The following EPHX3 variants were observed in gnomAD, a reference collection of about 807,000 sequenced individuals.
EPHX3 encodes abhydrolase domain containing 9.
In EPHX3, 39 loss-of-function variants were observed where a neutral mutation model predicts 40.2. The ratio of observed to expected loss-of-function variants is 0.97; its 90% CI spans 0.75 to 1.27. The LOEUF is 1.27. Among genes scored for constraint, EPHX3 ranks in the 50% most tolerant of loss-of-function variants. EPHX3 has a pLI of 0.00. For missense variants in EPHX3, 442 were observed against 474.0 expected (o/e 0.93, Z 0.63); for synonymous variants, 213 against 209.7 (o/e 1.02, Z -0.14).
In EPHX3 at chr19:15,227,616, G is replaced by C. The variant is rs1021389613; in HGVS notation, c.904C>G (p.Leu302Val). ...PQELTTPTLL[L>V]WGEKDTYLEL... ...AAGTAAGTGTCCTTCTCCCCCCACA[G>C]CAGCAATGTGGGTGTGGTCAGCTCC... The change falls in exon 7 of 7, where the codon CTG (leucine) becomes GTG (valine). Residue 302 changes from leucine to valine, a missense_variant. By Grantham distance (32) the Leu-to-Val change is conservative (BLOSUM62 1). Coordinates refer to ENST00000221730, the MANE Select transcript of EPHX3 (RefSeq NM_024794.3). The C allele has an allele frequency of 3.1e-6, 5 of 1,613,990 alleles. No homozygotes were observed. The highest frequency in any genetic ancestry group is 3.4e-6 in the Non-Finnish European group (4 of 1,180,038).
chr19:15,231,619 A>AGG (rs2047154901), intron 2 of EPHX3, among the ~76,000 whole-genome samples, 157 bp downstream of exon 2: 1 of 152,178 alleles, frequency 6.6e-6, no homozygotes, highest in African/African-American at 2.4e-5. Context: ...CTGTCCCTTC[A>AGG]GGGCCTAGGG....
Position 15,231,851 on chromosome 19 carries a change from A to G in EPHX3, c.254T>C (p.Leu85Pro). The G allele has an allele frequency of 6.2e-7, 1 of 1,613,850 alleles. No homozygotes were observed. The highest frequency in any genetic ancestry group is 8.5e-7 in the Non-Finnish European group (1 of 1,180,004). ...HGFLNLKSSG[L>P]RLHYVSAGRG... ...TCCAGCCGAGACATAGTGCAGACGC[A>G]GGCCCGAGCTCTAGGGGGAGGGCAC... is the stretch of plus-strand genomic sequence containing the variant. Residue 85 changes from leucine (L) to proline (P), a missense_variant, in exon 2 of 7, where the codon CTG becomes CCG. By Grantham distance (98) the Leu-to-Pro change is moderately conservative. Coordinates refer to ENST00000221730, the MANE Select transcript of EPHX3 (RefSeq NM_024794.3).
upstream of EPHX3, among the ~76,000 whole-genome samples, chr19:15,234,630 C>A (rs140267988): frequency 3.9e-5 from 6 of 152,302 alleles, no homozygotes; most frequent in African/African-American, 1.4e-4. Context: ...CAATGTATGA[C>A]ATCAGCCACT....
chr19:15,234,088 TTCC>T (rs1262545049), upstream of EPHX3, among the ~76,000 whole-genome samples: 4 of 151,254 alleles, frequency 2.6e-5, no homozygotes, highest in Admixed American at 6.6e-5. Context: ...AGCCAGCTTC[TTCC>T]TCCTATTTTG....
At position 15,230,921 on chromosome 19, in the gene EPHX3, G is replaced by A. The variant is rs2047148396; in HGVS notation, c.616+41C>T. On this transcript the variant is annotated intron_variant, in intron 4 of 6. Coordinates refer to ENST00000221730, the MANE Select transcript of EPHX3 (RefSeq NM_024794.3). ...CACAGACACATGTCCCTGCCCCCTT[G>A]CACATAAGTACATCCCAGTGTCCCG... The A allele has an allele frequency of 6.2e-6, 10 of 1,606,850 alleles. No individual in the cohort carries two copies. The East Asian group carries it at 2.2e-4, about 36-fold the overall frequency.
chr19:15,227,516 A>G lies in EPHX3; in HGVS notation c.1004T>C (p.Ile335Thr), dbSNP rs944439011. 5 of 1,614,000 alleles carry G rather than the reference A, an allele frequency of 3.1e-6. No homozygotes were observed. The highest frequency in any genetic ancestry group is 1.3e-5 in the African/African-American group (1 of 74,918). Reference sequence around the variant, plus strand: ...GTTGCTCTGTGGGATCCAATGCCCTATGCCTGGCAGGATGTGGGCCTCCAA... The same window carrying G: ...GTTGCTCTGTGGGATCCAATGCCCTGTGCCTGGCAGGATGTGGGCCTCCAA... ...GRLEAHILPG[I>T]GHWIPQSNPQ... The change falls in exon 7 of 7, where the codon ATA becomes ACA. Residue 335 changes from isoleucine to threonine, a missense_variant. Coordinates refer to ENST00000221730, the MANE Select transcript of EPHX3 (RefSeq NM_024794.3).
chr19:15,229,543 C>G (rs895045460), intron 4 of EPHX3, among the ~76,000 whole-genome samples: 1 of 141,698 alleles, frequency 7.1e-6, no homozygotes, highest in Admixed American at 7.1e-5. Context: ...CGGAGGTTGC[C>G]GTGAGCCGAC....
At position 15,227,894 on chromosome 19, in the gene EPHX3, G is replaced by A. The variant is rs757513613; in HGVS notation, c.734C>T (p.Thr245Ile). The change falls in exon 6 of 7, where the codon ACC becomes ATC. Residue 245 changes from threonine to isoleucine, a missense_variant. Transcript: ENST00000221730. ...GATGCCTGTCTTGCGGTGGGTGAGG[G>A]TGGTCTTCAGAATCTAGGTACACAG... The part of the protein sequence containing the change: ...SMSDFQILKT[T>I]LTHRKTGIPC... 4.8e-5 allele frequency: 78 copies of A among 1,613,952 alleles called. No individual in the cohort carries two copies. The highest frequency in any genetic ancestry group is 6.4e-5 in the Non-Finnish European group (75 of 1,180,014).
chr19:15,233,040 T>A (rs1406980158), upstream of EPHX3: 1 of 147,806 alleles, frequency 6.8e-6, no homozygotes, highest in Non-Finnish European at 1.5e-5. Flanking sequence ...ATGGTGGGCC[T>A]GGCTTATGCG....
chr19:15,227,343 TATG>T lies in EPHX3; in HGVS notation c.*91_*93del, dbSNP rs2047119051. On this transcript the variant is annotated 3_prime_UTR_variant, in exon 7 of 7. Coordinates refer to ENST00000221730, the MANE Select transcript of EPHX3 (RefSeq NM_024794.3). Reference sequence around the variant, plus strand: ...TGAGCGATTCAAGAGTTCACCCATGTATGGACATTGTATGGACTCCCAGGCACA... The same window carrying T: ...TGAGCGATTCAAGAGTTCACCCATGTGACATTGTATGGACTCCCAGGCACA... 2 of 1,035,548 alleles carry T rather than the reference TATG, an allele frequency of 1.9e-6. No individual in the cohort carries two copies. Among genetic ancestry groups the T allele is most frequent in the East Asian group, 4.9e-5 (2 of 40,662 alleles). 64.1% of individuals were successfully genotyped at this position (1,035,548 alleles called of 1,614,324 possible). A position where few individuals can be genotyped will look rare whatever the true frequency, so the allele number is the denominator to read the frequency against.
intron 4 of EPHX3, among the ~76,000 whole-genome samples, chr19:15,229,856 C>T (rs2047140311): frequency 1.9e-5 from 2 of 105,174 alleles, no homozygotes; most frequent in Non-Finnish European, 3.5e-5. Context: ...CACTGCACTC[C>T]AGCCTGGCGA....
chr19:15,227,987 C>A lies in EPHX3; in HGVS notation c.720+10G>T. 1.9e-6 allele frequency: 3 copies of A among 1,614,060 alleles called. No homozygotes were observed. Among genetic ancestry groups the A allele is most frequent in the Non-Finnish European group, 2.5e-6 (3 of 1,180,018 alleles). On this transcript the variant is annotated intron_variant, in intron 5 of 6. Coordinates refer to ENST00000221730, the MANE Select transcript of EPHX3 (RefSeq NM_024794.3). ...GCTTCCCTCCTCCCTTCAACCTGCA[C>A]CCTCTGTACCTGAAAGTCAGACATA...
rs762775217 is a variant in EPHX3, at chr19:15,231,790, GC to G, written c.314del (p.Gly105AlafsTer56). The G allele has an allele frequency of 1.2e-6, 2 of 1,613,860 alleles. No homozygotes were observed. The highest frequency in any genetic ancestry group is 2.7e-5 in the African/African-American group (2 of 74,934). ...CCCAGACGTACCAGTTCTCAGGGAA[GC>G]CGTGCAGAAACAGCATGAGGGGTCC... ...GNGPLMLFLH[G>X]FPENWFSWRY... On this transcript the variant is annotated frameshift_variant, in exon 2 of 7. Transcript: ENST00000221730. LOFTEE classifies it high-confidence loss of function.
chr19:15,227,732 T>G, intron 6 of EPHX3, 39 bp downstream of exon 6: 2 of 1,318,886 alleles, frequency 1.5e-6, no homozygotes, highest in Non-Finnish European at 2.2e-6. Context: ...CCCCTGCCCC[T>G]GCAAATCTCC....
chr19:15,231,283 A>G lies in EPHX3; in HGVS notation c.443T>C (p.Ile148Thr). Residue 148 changes from isoleucine (I) to threonine (T), a missense_variant, in exon 3 of 7, where the codon ATC (isoleucine) becomes ACC (threonine). By Grantham distance (89) the Ile-to-Thr change is moderately conservative. Transcript: ENST00000221730. ...DAPRDVDCYT[I>T]DLLLVDIKDV... is the part of the protein sequence containing the mutation. The stretch of plus-strand genomic sequence containing the variant: ...TTTGATGTCCACCAGCAGCAGGTCG[A>G]TTGTGTAGCAGTCCACATCCCGAGG... The G allele has an allele frequency of 6.2e-7, 1 of 1,613,486 alleles. No homozygotes were observed. The highest frequency in any genetic ancestry group is 8.5e-7 in the Non-Finnish European group (1 of 1,179,778).
intron 4 of EPHX3, among the ~76,000 whole-genome samples, chr19:15,228,724 T>C (rs919447041): frequency 1.3e-5 from 2 of 151,718 alleles, no homozygotes; most frequent in African/African-American, 4.8e-5. Flanking sequence ...TTTCACAGTG[T>C]TAGCCAGGAT....
At chr19:15,234,639 C>T (rs1215924544), upstream of EPHX3, among the ~76,000 whole-genome samples, 1 of 152,200 alleles carries the variant, frequency 6.6e-6, no homozygotes, top group East Asian at 1.9e-4. Context: ...ACATCAGCCA[C>T]TGACTTGCTC....
chr19:15,230,918 C>A (rs774292626), intron 4 of EPHX3, 44 bp downstream of exon 4: 44 of 1,605,768 alleles, frequency 2.7e-5, no homozygotes, highest in Admixed American at 5.0e-5. Context: ...TCCCTGCCCC[C>A]TTGCACATAA....
In EPHX3 at chr19:15,228,026, C is replaced by T. The variant is rs200446572; in HGVS notation, c.691G>A (p.Glu231Lys). 180 of 1,407,988 alleles carry T rather than the reference C, an allele frequency of 1.3e-4. No individual in the cohort carries two copies. The highest frequency in any genetic ancestry group is 2.3e-4 in the Admixed American group (12 of 53,224). The allele number at this position is 1,407,988 out of a possible 1,614,324, so 87.2% of individuals were successfully genotyped here. ...AAGTCAGACATAGACAGCAGCTTCT[C>T]GGGCAGCCAGGGCAGCTGGAACAGG... is the stretch of plus-strand genomic sequence containing the variant. Reference protein sequence around the residue: ...MFLFQLPWLPEKLLSMSDFQI... With the variant: ...MFLFQLPWLPKKLLSMSDFQI... The change falls in exon 5 of 7, where the codon GAG becomes AAG. Residue 231 changes from glutamate to lysine, a missense_variant. Physicochemically the swap from Glu to Lys is moderately conservative, Grantham distance 56. Coordinates refer to ENST00000221730, the MANE Select transcript of EPHX3 (RefSeq NM_024794.3).
Sources: allele counts gnomAD v4.1 joint callset (sites outside exome capture counted in the v4.1 genomes callset), GRCh38; gene constraint gnomAD v4.1.1; transcripts MANE v1.5; gene names NCBI Gene and HGNC (gene_info 2026-07-23, HGNC 2026-07-21).